RTL4: variants seen among roughly 807,000 people sequenced by gnomAD.
RTL4 encodes the protein retrotransposon Gag-like protein 4.
In RTL4, 4 loss-of-function variants were observed where a neutral mutation model predicts 5.3. The ratio of observed to expected loss-of-function variants is 0.75; its 90% CI spans 0.37 to 1.72. The LOEUF (loss-of-function observed/expected upper bound fraction) is 1.72. Among genes scored for constraint, RTL4 ranks in the 40% most tolerant of loss-of-function variants. The probability of loss-of-function intolerance (pLI) is 0.04; values close to 1 mark genes in which losing one functional copy is unlikely to be tolerated. For synonymous variants in RTL4, 98 were observed against 87.3 expected (o/e 1.12, Z -0.68); for missense variants, 260 against 227.1 (o/e 1.14, Z -0.93).
chrX:112,352,572 A>T, the RTL4 span, among the ~76,000 whole-genome samples: 2 of 111,300 alleles, frequency 1.8e-5, no homozygotes, highest in Non-Finnish European at 3.8e-5. Flanking sequence ...CAAAAACAAG[A>T]AATGGGGAAA....
chrX:112,180,751 T>C, the RTL4 span, among the ~76,000 whole-genome samples: 8 of 112,259 alleles, frequency 7.1e-5, no homozygotes, highest in Non-Finnish European at 1.3e-4. Flanking sequence ...ATTCAGATGC[T>C]TCAGGATATC....
chrX:112,346,679 T>A, the RTL4 span, among the ~76,000 whole-genome samples: 3 of 111,257 alleles, frequency 2.7e-5, no homozygotes, highest in African/African-American at 9.8e-5. Context: ...ACTTCGGATG[T>A]GTGTAAAGCA....
chrX:112,361,303 G>A, the RTL4 span, among the ~76,000 whole-genome samples: 1 of 111,238 alleles, frequency 9.0e-6, no homozygotes, highest in African/African-American at 3.3e-5. Flanking sequence ...GATAGCTTTA[G>A]AAGAATTCAA....
At chrX:112,195,247 G>A in the RTL4 span, among the ~76,000 whole-genome samples, 2 of 111,807 alleles carry the variant, frequency 1.8e-5, no homozygotes, top group South Asian at 7.5e-4. Flanking sequence ...TAGTGAAGAT[G>A]ATCATTCACT....
chrX:112,328,790 G>A, the RTL4 span, among the ~76,000 whole-genome samples: 1 of 111,917 alleles, frequency 8.9e-6, no homozygotes, highest in Non-Finnish European at 1.9e-5. Context: ...TGAAAGAACA[G>A]AAATTATAAC....
At chrX:112,347,791 G>A in the RTL4 span, among the ~76,000 whole-genome samples, 4 of 111,623 alleles carry the variant, frequency 3.6e-5, no homozygotes, top group Non-Finnish European at 5.7e-5. Flanking sequence ...GGAGACACAA[G>A]GTTGGGTAGT....
At chrX:112,367,183 C>A in the RTL4 span, among the ~76,000 whole-genome samples, 1 of 111,421 alleles carries the variant, frequency 9.0e-6, no homozygotes, top group Non-Finnish European at 1.9e-5. Flanking sequence ...ACTTCCTTCC[C>A]CTGTAAATAG....
chrX:112,334,695 T>C, the RTL4 span, among the ~76,000 whole-genome samples: 1 of 112,263 alleles, frequency 8.9e-6, no homozygotes, highest in Non-Finnish European at 1.9e-5. Context: ...ATGTAATTAC[T>C]GATAAAGCAG....
chrX:112,280,966 T>C, the RTL4 span, among the ~76,000 whole-genome samples: 2 of 111,865 alleles, frequency 1.8e-5, no homozygotes, highest in East Asian at 2.8e-4. Context: ...CTAACTAACA[T>C]ATGCATTACC....
At chrX:112,364,475 T>C in the RTL4 span, among the ~76,000 whole-genome samples, 1 of 112,068 alleles carries the variant, frequency 8.9e-6, no homozygotes, top group Non-Finnish European at 1.9e-5. Context: ...CCTCAGAATC[T>C]TGGTACAATT....
At chrX:112,255,391 G>A in the RTL4 span, among the ~76,000 whole-genome samples, 2 of 111,953 alleles carry the variant, frequency 1.8e-5, no homozygotes, top group African/African-American at 6.5e-5. Flanking sequence ...CAAATTAGGA[G>A]ACTGTTGTAA....
chrX:112,153,954 A>T, the RTL4 span, among the ~76,000 whole-genome samples: 1 of 110,999 alleles, frequency 9.0e-6, no homozygotes, highest in South Asian at 3.8e-4. Flanking sequence ...GTTCTTCTGC[A>T]ACCCCCATTA....
chrX:112,090,198 T>C, the RTL4 span, among the ~76,000 whole-genome samples: 1 of 110,280 alleles, frequency 9.1e-6, no homozygotes, highest in Non-Finnish European at 1.9e-5. Flanking sequence ...GATCTGTGAA[T>C]AGAGGTAGTT....
At chrX:112,172,179 G>T in the RTL4 span, among the ~76,000 whole-genome samples, 1 of 111,324 alleles carries the variant, frequency 9.0e-6, no homozygotes, top group African/African-American at 3.3e-5. Flanking sequence ...GCAAAAATTA[G>T]CTGGGTGTAG....
the RTL4 span, among the ~76,000 whole-genome samples, chrX:112,230,604 G>A: frequency 8.9e-6 from 1 of 112,289 alleles, no homozygotes; most frequent in Non-Finnish European, 1.9e-5. Context: ...CTTCTGCATC[G>A]CTCACGCTGG....
At chrX:112,279,858 G>A in the RTL4 span, among the ~76,000 whole-genome samples, 1 of 111,599 alleles carries the variant, frequency 9.0e-6, no homozygotes, top group Admixed American at 9.5e-5. Context: ...TGGAATTAAT[G>A]ATAAGTATGT....
the RTL4 span, among the ~76,000 whole-genome samples, chrX:112,226,570 T>C: frequency 9.0e-6 from 1 of 111,491 alleles, no homozygotes; most frequent in Non-Finnish European, 1.9e-5. Flanking sequence ...TATAGAGAGA[T>C]AGTCACCTCT....
At chrX:112,189,797 GTCA>G in the RTL4 span, among the ~76,000 whole-genome samples, 1 of 110,942 alleles carries the variant, frequency 9.0e-6, no homozygotes, top group African/African-American at 3.3e-5. Flanking sequence ...TATAACTGTG[GTCA>G]TCTGAAATGC....
chrX:112,285,888 AC>A, the RTL4 span, among the ~76,000 whole-genome samples: 1 of 111,573 alleles, frequency 9.0e-6, no homozygotes, highest in Admixed American at 9.6e-5. Context: ...GCCTGCTCCT[AC>A]CCGCTAGGTA....
Sources: allele counts gnomAD v4.1 joint callset (sites outside exome capture counted in the v4.1 genomes callset), GRCh38; gene constraint gnomAD v4.1.1; transcripts MANE v1.5; gene names NCBI Gene and HGNC (gene_info 2026-07-23, HGNC 2026-07-21).